HERC1: variants seen among roughly 807,000 people sequenced by gnomAD.
HERC1 encodes HECT and RLD domain containing E3 ubiquitin protein ligase family member 1, also known as probable E3 ubiquitin-protein ligase HERC1.
HERC1 carries 160 observed loss-of-function variants against 554.3 expected under a neutral mutation model. The ratio of observed to expected loss-of-function variants is 0.29; its 90% confidence interval spans 0.25 to 0.33. The LOEUF is 0.33. HERC1 is among the 10% of genes least tolerant of loss of function. The pLI is 1.00. For missense variants in HERC1, 4,919 were observed against 5,918.5 expected (o/e 0.83, Z 5.54); for synonymous variants, 2,175 against 2,131.7 (o/e 1.02, Z -0.56).
chr15:63,649,858 C>T lies in HERC1; in HGVS notation c.10614G>A (p.Pro3538=), dbSNP rs368890647. The part of the protein sequence containing the change: ...VSALAWPEEG[P]ATAWSGESPE... ...GAGACTCTCCTGACCAGGCTGTAGC[C>T]GGACCCTCTTCTGGCCAAGCCAGGG... Residue 3538 remains proline, a synonymous_variant, in exon 54 of 78, where the codon CCG becomes CCA. Transcript: ENST00000443617. The T allele has an allele frequency of 3.8e-5, 62 of 1,613,026 alleles. No homozygotes were observed. The highest frequency in any genetic ancestry group is 2.4e-4 in the African/African-American group (18 of 75,016).
chr15:63,774,079 A>C (rs902331058), intron 2 of HERC1, among the ~76,000 whole-genome samples: 1 of 152,180 alleles, frequency 6.6e-6, no homozygotes, highest in African/African-American at 2.4e-5. Flanking sequence ...GTCACAATTC[A>C]GAGAGTCATC....
intron 1 of HERC1, among the ~76,000 whole-genome samples, chr15:63,821,016 T>C (rs147983531): frequency 9.8e-4 from 150 of 152,354 alleles, no homozygotes; most frequent in African/African-American, 3.3e-3. Context: ...AACAATTATA[T>C]GCTCTTGATA....
chr15:63,732,101 A>C (rs2074321179), intron 14 of HERC1, among the ~76,000 whole-genome samples: 1 of 152,062 alleles, frequency 6.6e-6, no homozygotes, highest in African/African-American at 2.4e-5. Flanking sequence ...CCCTGGTTCA[A>C]GCAACTCTCC....
At chr15:63,752,851 TA>T in intron 8 of HERC1, 106 bp downstream of exon 8, 1 of 1,095,042 alleles carries the variant, frequency 9.1e-7, no homozygotes. Flanking sequence ...GCATGTTGCC[TA>T]AAAATGTATT....
chr15:63,644,669 CT>C (rs1212162610), intron 57 of HERC1, among the ~76,000 whole-genome samples: 4 of 152,134 alleles, frequency 2.6e-5, no homozygotes, highest in African/African-American at 9.7e-5. Context: ...GTTGGAGATT[CT>C]TTGGATGGAT....
At position 63,729,561 on chromosome 15, in the gene HERC1, T is replaced by C; in HGVS notation, c.2957A>G (p.His986Arg). 2.5e-6 allele frequency: 4 copies of C among 1,613,776 alleles called. No homozygotes were observed. Among genetic ancestry groups the C allele is most frequent in the Non-Finnish European group, 3.4e-6 (4 of 1,179,700 alleles). The stretch of plus-strand genomic sequence containing the variant: ...TTTCTGTAGTGAACATAGCAGTTCA[T>C]GAAGATGAGCAGGCTGACTGTTTTC... ...SSENSQPAHL[H>R]ELLCSLQKQL... The change falls in exon 15 of 78, where the codon CAT becomes CGT. Residue 986 changes from histidine to arginine, a missense_variant. His to Arg is a conservative substitution (Grantham distance 29, BLOSUM62 0). Coordinates refer to ENST00000443617, the MANE Select transcript of HERC1 (RefSeq NM_003922.4).
intron 1 of HERC1, among the ~76,000 whole-genome samples, chr15:63,826,325 G>C (rs762796759): frequency 6.6e-6 from 1 of 152,020 alleles, no homozygotes; most frequent in Non-Finnish European, 1.5e-5. Context: ...TTTTCATTAC[G>C]ACTGCCCTTC....
At position 63,706,030 on chromosome 15, in the gene HERC1, C is replaced by CAAAA. The variant is rs35213471; in HGVS notation, c.4636+746_4636+749dup. Among the ~76,000 whole-genome samples, 373 of 46,550 alleles carry CAAAA rather than the reference C, an allele frequency of 8.0e-3. 12 individuals carry two copies. The highest frequency in any genetic ancestry group is 0.022 in the African/African-American group (262 of 11,764). The allele number at this position is 46,550 out of a possible 152,430, so 30.5% of individuals were successfully genotyped here. A position where few individuals can be genotyped will look rare whatever the true frequency, so the allele number is the denominator to read the frequency against. On this transcript the variant is annotated intron_variant, in intron 25 of 77. Coordinates refer to ENST00000443617, the MANE Select transcript of HERC1 (RefSeq NM_003922.4). ...GGACAACAAAGCAAGACCCTGTCTC[C>CAAAA]AAAAAAAAAAAAAAAAAAAAAAGCA...
At position 63,686,482 on chromosome 15, in the gene HERC1, G is replaced by A; in HGVS notation, c.6102C>T (p.Ser2034=). The change falls in exon 34 of 78, where the codon TCC becomes TCT. Residue 2034 remains serine, a synonymous_variant. Coordinates refer to ENST00000443617, the MANE Select transcript of HERC1 (RefSeq NM_003922.4). The part of the protein sequence containing the change: ...EDENLPIQEV[S]FDPEKAQCCL... Reference sequence around the variant, plus strand: ...AACACTGAGCTTTCTCCGGGTCAAAGGATACTTCTTGGATAGGAAGATTCT... The same window carrying A: ...AACACTGAGCTTTCTCCGGGTCAAAAGATACTTCTTGGATAGGAAGATTCT... The A allele has an allele frequency of 6.2e-7, 1 of 1,613,818 alleles. No homozygotes were observed. Among genetic ancestry groups the A allele is most frequent in the Non-Finnish European group, 8.5e-7 (1 of 1,179,818 alleles).
intron 10 of HERC1, among the ~76,000 whole-genome samples, chr15:63,748,181 G>A (rs1306531025): frequency 1.3e-5 from 2 of 152,006 alleles, no homozygotes; most frequent in South Asian, 2.1e-4. Context: ...AGCAGAGACT[G>A]TATCACTGCA....
chr15:63,773,444 C>CAA (rs370465670), intron 2 of HERC1, among the ~76,000 whole-genome samples: 1,348 of 72,802 alleles, frequency 0.019, 23 homozygotes, highest in African/African-American at 0.055. Flanking sequence ...GACTCTGTCT[C>CAA]AAAAAAAAAA....
Position 63,612,692 on chromosome 15 carries a change from G to A in HERC1, c.14095-136C>T. ...CTCTACTTGTTTCTCAGACCGCCAG[G>A]CACGAGAGTCAGTCAAAAAGGCCCA... On this transcript the variant is annotated intron_variant, in intron 76 of 77. Transcript: ENST00000443617. This position sits in a 1 kb window ranked among gnomAD's most constrained non-coding sequence, Gnocchi z 5.0. 1.3e-6 allele frequency: 1 copy of A among 787,296 alleles called. No homozygotes were observed. The allele number at this position is 787,296 out of a possible 1,614,324, so 48.8% of individuals were successfully genotyped here.
chr15:63,633,077 T>C (rs896334228), intron 67 of HERC1, among the ~76,000 whole-genome samples: 3 of 152,228 alleles, frequency 2.0e-5, no homozygotes, highest in African/African-American at 4.8e-5. Context: ...CTCTGGGTAA[T>C]AGAGACCAGG....
At chr15:63,803,892 T>C (rs1365540967) in intron 1 of HERC1, among the ~76,000 whole-genome samples, 1 of 152,206 alleles carries the variant, frequency 6.6e-6, no homozygotes, top group Non-Finnish European at 1.5e-5. Flanking sequence ...TAGTAACTAG[T>C]AATCAAGACG....
chr15:63,631,014 C>G (rs1352989906), intron 68 of HERC1, among the ~76,000 whole-genome samples: 1 of 152,158 alleles, frequency 6.6e-6, no homozygotes, highest in African/African-American at 2.4e-5. Flanking sequence ...CGCTCTGTCG[C>G]CCAGACTGGA....
chr15:63,763,659 A>G (rs894920977), intron 3 of HERC1, among the ~76,000 whole-genome samples: 1 of 152,012 alleles, frequency 6.6e-6, no homozygotes, highest in African/African-American at 2.4e-5. Context: ...AATGCAAGGA[A>G]GTGGTCAAAG....
rs771011953 is a variant in HERC1 at position 63,677,823 on chromosome 15, A to G, written c.7070+22T>C. The G allele has an allele frequency of 2.5e-6, 4 of 1,592,520 alleles. No individual in the cohort carries two copies. In the Admixed American group the frequency reaches 6.9e-5, roughly 27 times the overall value. On this transcript the variant is annotated intron_variant, in intron 37 of 77. Coordinates refer to ENST00000443617, the MANE Select transcript of HERC1 (RefSeq NM_003922.4). This position sits in a 1 kb window ranked among gnomAD's most constrained non-coding sequence, Gnocchi z 4.4. ...CACCATTAAATATTTGTTTGCTAAA[A>G]GTGTAACTCAACAGATCATACCTGA... is the stretch of plus-strand genomic sequence containing the variant.
At chr15:63,832,213 A>G (rs1026224801) in intron 1 of HERC1, among the ~76,000 whole-genome samples, 6 of 152,220 alleles carry the variant, frequency 3.9e-5, no homozygotes, top group Admixed American at 2.6e-4. Context: ...CTCAAATAAT[A>G]TAGCAATACA....
rs1033239255 is a variant in HERC1, at chr15:63,756,137, C to A, written c.1533+300G>T. ...CTTGTTCACTGCTACAAGTCTAATG[C>A]CTAAAATACTGCCTGACACTTCAAA... On this transcript the variant is annotated intron_variant, in intron 5 of 77. Transcript: ENST00000443617. The surrounding 1 kb of genome is among the most constrained non-coding windows in gnomAD (Gnocchi z 5.0). 1.3e-5 allele frequency among the ~76,000 whole-genome samples: 2 copies of A among 152,110 alleles called. No homozygotes were observed. The highest frequency in any genetic ancestry group is 4.8e-5 in the African/African-American group (2 of 41,418).
Sources: gnomAD v4.1 joint callset for allele counts (sites outside exome capture counted in the v4.1 genomes callset) on GRCh38, gnomAD v4.1.1 for gene constraint, Gnocchi (gnomAD v3.1) non-coding constraint, MANE v1.5 for transcripts, NCBI Gene and HGNC (gene_info 2026-07-23, HGNC 2026-07-21) for gene names.